The following ANKDD1A variants were observed in gnomAD, a reference collection of about 807,000 sequenced individuals.
The protein encoded by ANKDD1A is ankyrin repeat and death domain containing 1A.
In ANKDD1A, 59 loss-of-function variants were observed where a neutral mutation model predicts 63.5. That is an observed-to-expected ratio of 0.93 (90% confidence interval 0.75 to 1.15). The LOEUF (loss-of-function observed/expected upper bound fraction) is 1.15, where lower values mean the gene tolerates loss of function less well. Ranked by LOEUF, ANKDD1A falls within the 50% of genes most tolerant of loss-of-function variation. The pLI is 0.00. For missense variants in ANKDD1A, 632 were observed against 656.4 expected (o/e 0.96, Z 0.41); for synonymous variants, 266 against 263.9 (o/e 1.01, Z -0.08).
chr15:64,950,817 C>T (rs1244812334), intron 14 of ANKDD1A: 2 of 1,047,044 alleles, frequency 1.9e-6, no homozygotes, highest in Non-Finnish European at 2.3e-6. Context: ...GGGACGCTAC[C>T]TTTCTTTCCC....
At chr15:64,954,404 C>CT (rs2085384621) in intron 14 of ANKDD1A, among the ~76,000 whole-genome samples, 1 of 136,540 alleles carries the variant, frequency 7.3e-6, no homozygotes, top group African/African-American at 2.9e-5. Context: ...CTTCTTCCTT[C>CT]CTCTTCTTCC....
chr15:64,912,109 A>ACCGGT, intron 1 of ANKDD1A, 145 bp downstream of exon 1: 1 of 833,682 alleles, frequency 1.2e-6, no homozygotes, highest in Non-Finnish European at 1.6e-6. Flanking sequence ...CGGAATGGTT[A>ACCGGT]CCGGTCCGCG....
At chr15:64,943,951 C>T (rs1165864455) in intron 11 of ANKDD1A, among the ~76,000 whole-genome samples, 1 of 152,212 alleles carries the variant, frequency 6.6e-6, no homozygotes, top group African/African-American at 2.4e-5. Flanking sequence ...GGGGAAGCTT[C>T]CCAGCTCATT....
intron 9 of ANKDD1A, among the ~76,000 whole-genome samples, chr15:64,935,585 G>T (rs1177999676): frequency 6.6e-6 from 1 of 151,972 alleles, no homozygotes; most frequent in African/African-American, 2.4e-5. Flanking sequence ...TGAGGCAGGA[G>T]AATGGCATGA....
chr15:64,936,383 T>C (rs2140375288), intron 9 of ANKDD1A, among the ~76,000 whole-genome samples: 1 of 152,354 alleles, frequency 6.6e-6, no homozygotes, highest in African/African-American at 2.4e-5. Context: ...AGTTTTCCTG[T>C]TACCTTCATT....
chr15:64,917,645 G>C, intron 3 of ANKDD1A, 131 bp downstream of exon 3: 1 of 1,367,142 alleles, frequency 7.3e-7, no homozygotes, highest in Non-Finnish European at 9.8e-7. Context: ...GGAGTCAGAG[G>C]CTTCAGGCGC....
At position 64,953,427 on chromosome 15, in the gene ANKDD1A, TTCC is replaced by T. The variant is rs1555367001; in HGVS notation, c.1483+3463_1483+3465del. The stretch of plus-strand genomic sequence containing the variant: ...TTCTTCTCCTCCTCCTCCCTTCTTC[TTCC>T]TCCTCCTTCCTTTTCTTCTTTCTTC... On this transcript the variant is annotated intron_variant, in intron 14 of 14. Coordinates refer to ENST00000319580, the MANE Select transcript of ANKDD1A (RefSeq NM_182703.6). Among the ~76,000 whole-genome samples, 20 of 14,990 alleles carry T rather than the reference TTCC, an allele frequency of 1.3e-3. 1 individual carries two copies. In the South Asian group the frequency reaches 0.023, roughly 17 times the overall value. 9.8% of individuals were successfully genotyped at this position (14,990 alleles called of 152,430 possible).
intron 11 of ANKDD1A, 48 bp from the exon 12 acceptor site, chr15:64,944,604 A>T (rs746589329): frequency 6.4e-7 from 1 of 1,564,052 alleles, no homozygotes; most frequent in Non-Finnish European, 8.7e-7. Context: ...ACCCTTGTGT[A>T]CCCCTCCTGT....
intron 12 of ANKDD1A, among the ~76,000 whole-genome samples, chr15:64,945,837 T>C (rs1234637453): frequency 6.6e-6 from 1 of 151,378 alleles, no homozygotes. Flanking sequence ...TTTCACTATG[T>C]TGGCCAGGAT....
chr15:64,941,654 T>A (rs1038646470), intron 9 of ANKDD1A, among the ~76,000 whole-genome samples: 4 of 152,252 alleles, frequency 2.6e-5, no homozygotes, highest in African/African-American at 9.6e-5. Flanking sequence ...TATAGCTCAA[T>A]ACATGAGGAT....
chr15:64,921,321 T>G (rs1005353067), intron 3 of ANKDD1A, among the ~76,000 whole-genome samples: 1 of 152,222 alleles, frequency 6.6e-6, no homozygotes, highest in Non-Finnish European at 1.5e-5. Context: ...AAATTTTTTC[T>G]TTTAAAATGG....
At chr15:64,954,183 TCTC>T (rs1189965539) in intron 14 of ANKDD1A, among the ~76,000 whole-genome samples, 7 of 55,784 alleles carry the variant, frequency 1.3e-4, no homozygotes, top group African/African-American at 2.6e-4. Flanking sequence ...TTCTTCTTCT[TCTC>T]CTTCTTTCTT....
intron 5 of ANKDD1A, 138 bp downstream of exon 5, chr15:64,926,308 T>G (rs1320150447): frequency 4.8e-6 from 4 of 827,190 alleles, no homozygotes. Flanking sequence ...GGGGAGCCGC[T>G]GGTTGGGAAG....
At chr15:64,916,233 AGAG>A (rs1352410933) in intron 2 of ANKDD1A, among the ~76,000 whole-genome samples, 2 of 152,220 alleles carry the variant, frequency 1.3e-5, no homozygotes, top group Non-Finnish European at 2.9e-5. Flanking sequence ...GATGGGCAAA[AGAG>A]GAGGACAGAC....
intron 13 of ANKDD1A, among the ~76,000 whole-genome samples, chr15:64,949,634 C>T (rs2085253343): frequency 6.6e-6 from 1 of 152,166 alleles, no homozygotes; most frequent in South Asian, 2.1e-4. Flanking sequence ...ACCCTTCCCT[C>T]CCCATCTGAG....
chr15:64,956,221 T>C (rs945686887), intron 14 of ANKDD1A, among the ~76,000 whole-genome samples: 2 of 145,990 alleles, frequency 1.4e-5, no homozygotes, highest in Admixed American at 1.5e-4. Flanking sequence ...TGTATTTTTT[T>C]CTTTGGATTC....
At chr15:64,931,625 G>C in intron 8 of ANKDD1A, 40 bp downstream of exon 8, 2 of 1,598,904 alleles carry the variant, frequency 1.3e-6, no homozygotes, top group South Asian at 2.2e-5. Flanking sequence ...GCTCTTGGCT[G>C]CTGAGCCATA....
At chr15:64,954,436 G>GTCTTCTCCTTCTTCTTCTTCCC (rs1185783046) in intron 14 of ANKDD1A, among the ~76,000 whole-genome samples, 1 of 143,068 alleles carries the variant, frequency 7.0e-6, no homozygotes, top group African/African-American at 2.6e-5. Context: ...TTCGTTCGTC[G>GTCTTCTCCTTCTTCTTCTTCCC]TCTTCTCCTT....
chr15:64,942,627 AGGCTTGGC>A, intron 10 of ANKDD1A, 62 bp downstream of exon 10: 1 of 1,398,952 alleles, frequency 7.1e-7, no homozygotes, highest in Middle Eastern at 1.8e-4. Flanking sequence ...CCAGGCTGGC[AGGCTTGGC>A]TGTGGTCTCC....
Sources: gnomAD v4.1 joint callset for allele counts (sites outside exome capture counted in the v4.1 genomes callset) on GRCh38, gnomAD v4.1.1 for gene constraint, MANE v1.5 for transcripts, NCBI Gene and HGNC (gene_info 2026-07-23, HGNC 2026-07-21) for gene names.